BMERB1: variants seen among roughly 807,000 people sequenced by gnomAD.
BMERB1 encodes the protein bMERB domain containing 1.
Under a neutral mutation model 23.6 loss-of-function variants are expected in BMERB1, and 12 were observed. That is an observed-to-expected ratio of 0.51 (90% CI 0.33 to 0.82). The LOEUF is 0.82. Ranked by LOEUF, BMERB1 falls within the 40% of genes least tolerant of loss-of-function variation. BMERB1 has a pLI of 0.03. For synonymous variants in BMERB1, 122 were observed against 96.6 expected (o/e 1.26, Z -1.54); for missense variants, 247 against 255.4 (o/e 0.97, Z 0.22).
intron 1 of BMERB1, among the ~76,000 whole-genome samples, chr16:15,458,111 A>G (rs2051100633): frequency 6.6e-6 from 1 of 152,172 alleles, no homozygotes; most frequent in Admixed American, 6.5e-5. Flanking sequence ...TGGGGACACA[A>G]AGCCTAACCA....
chr16:15,505,289 T>A (rs1236462299), intron 1 of BMERB1, among the ~76,000 whole-genome samples: 33 of 152,216 alleles, frequency 2.2e-4, no homozygotes, highest in Admixed American at 2.2e-3. Flanking sequence ...GCAATGAATT[T>A]CCCTTCAGGA....
intron 4 of BMERB1, among the ~76,000 whole-genome samples, chr16:15,582,353 A>T (rs1417699160): frequency 1.2e-4 from 18 of 152,208 alleles, no homozygotes; most frequent in Non-Finnish European, 2.6e-4. Flanking sequence ...GTGAGCCAAG[A>T]TTGCACCAAT....
chr16:15,550,992 A>G (rs958101364), intron 2 of BMERB1, among the ~76,000 whole-genome samples: 2 of 152,228 alleles, frequency 1.3e-5, no homozygotes, highest in African/African-American at 4.8e-5. Flanking sequence ...AGAGGACGCC[A>G]CACAGTGGCA....
chr16:15,569,529 C>A (rs1310344289), intron 3 of BMERB1, among the ~76,000 whole-genome samples: 1 of 152,186 alleles, frequency 6.6e-6, no homozygotes, highest in Non-Finnish European at 1.5e-5. Flanking sequence ...CCAATCACCT[C>A]TCATCAGGCC....
At chr16:15,493,597 C>A (rs1347079244) in intron 1 of BMERB1, among the ~76,000 whole-genome samples, 1 of 152,056 alleles carries the variant, frequency 6.6e-6, no homozygotes. Flanking sequence ...CTTCCTTCTT[C>A]TGCCATGATC....
chr16:15,520,990 T>C (rs1156391136), intron 2 of BMERB1, among the ~76,000 whole-genome samples: 1 of 151,916 alleles, frequency 6.6e-6, no homozygotes, highest in Non-Finnish European at 1.5e-5. Flanking sequence ...TCCTTGCTCC[T>C]CCCGAGTTCC....
intron 1 of BMERB1, 148 bp from the exon 2 acceptor site, chr16:15,515,157 A>T: frequency 9.8e-7 from 1 of 1,015,268 alleles, no homozygotes; most frequent in Non-Finnish European, 1.4e-6. Flanking sequence ...GGGTGTGCTC[A>T]CGAATACACA....
At chr16:15,456,046 C>T (rs530427950) in intron 1 of BMERB1, among the ~76,000 whole-genome samples, 8 of 152,200 alleles carry the variant, frequency 5.3e-5, no homozygotes, top group Non-Finnish European at 1.0e-4. Flanking sequence ...ACTGTCAGTA[C>T]GCTTTTAAAA....
At chr16:15,466,087 G>A (rs1299138369) in intron 1 of BMERB1, among the ~76,000 whole-genome samples, 1 of 152,032 alleles carries the variant, frequency 6.6e-6, no homozygotes, top group African/African-American at 2.4e-5. Context: ...AGTTTCTGCA[G>A]GGTTTTTATC....
chr16:15,580,902 T>C (rs918399254), intron 3 of BMERB1, among the ~76,000 whole-genome samples: 1 of 151,676 alleles, frequency 6.6e-6, no homozygotes, highest in African/African-American at 2.4e-5. Context: ...TTTTTGTTTT[T>C]TTTTTCTTTC....
chr16:15,515,743 G>T (rs758183746), intron 2 of BMERB1, among the ~76,000 whole-genome samples: 1 of 152,128 alleles, frequency 6.6e-6, no homozygotes, highest in Non-Finnish European at 1.5e-5. Context: ...TTTCACGAGC[G>T]CACACTCTGC....
intron 1 of BMERB1, among the ~76,000 whole-genome samples, chr16:15,435,764 C>T (rs992526052): frequency 6.6e-6 from 1 of 152,166 alleles, no homozygotes; most frequent in Admixed American, 6.5e-5. Context: ...TGTGTGTGCG[C>T]GCTTTCTTTC....
chr16:15,444,119 C>CTTTT (rs1225982061), intron 1 of BMERB1, among the ~76,000 whole-genome samples: 18 of 24,432 alleles, frequency 7.4e-4, no homozygotes, highest in East Asian at 6.1e-3. Context: ...CAGGCACCAG[C>CTTTT]TTTGTTTTTT....
chr16:15,474,539 T>A (rs544412166), intron 1 of BMERB1, among the ~76,000 whole-genome samples: 16 of 151,930 alleles, frequency 1.1e-4, no homozygotes, highest in Admixed American at 9.8e-4. Context: ...TCTGCTAAAT[T>A]TTTTTGTGTG....
intron 1 of BMERB1, among the ~76,000 whole-genome samples, chr16:15,462,399 G>T (rs153805): frequency 1.3e-5 from 2 of 151,658 alleles, no homozygotes; most frequent in East Asian, 3.9e-4. Flanking sequence ...TGATCCGCCC[G>T]CCTTGGCCTC....
intron 1 of BMERB1, among the ~76,000 whole-genome samples, chr16:15,438,917 A>G (rs2050912636): frequency 6.6e-6 from 1 of 152,230 alleles, no homozygotes; most frequent in African/African-American, 2.4e-5. Context: ...TTTCTATGGC[A>G]TGACAATTGC....
chr16:15,583,577 C>CAAAA (rs35021259), intron 5 of BMERB1, among the ~76,000 whole-genome samples: 1 of 61,848 alleles, frequency 1.6e-5, no homozygotes, highest in Admixed American at 1.9e-4. Flanking sequence ...GACTTTGTCT[C>CAAAA]AAAAAAAAAA....
intron 1 of BMERB1, among the ~76,000 whole-genome samples, chr16:15,463,094 T>C (rs2051149857): frequency 6.6e-6 from 1 of 151,602 alleles, no homozygotes; most frequent in African/African-American, 2.4e-5. Context: ...TTTTTTTTTC[T>C]TCTGGAGACA....
chr16:15,482,716 A>G (rs1443352825), intron 1 of BMERB1, among the ~76,000 whole-genome samples: 1 of 152,356 alleles, frequency 6.6e-6, no homozygotes, highest in Admixed American at 6.5e-5. Context: ...TAAAAAAGAA[A>G]AAAAGATTGT....
Sources: allele counts gnomAD v4.1 joint callset (sites outside exome capture counted in the v4.1 genomes callset), GRCh38; gene constraint gnomAD v4.1.1; transcripts MANE v1.5; gene names NCBI Gene and HGNC (gene_info 2026-07-23, HGNC 2026-07-21).